Variants in TUSC3 observed in about 807,000 individuals in gnomAD.
TUSC3 encodes the protein tumor suppressor candidate 3, also known as dolichyl-diphosphooligosaccharide--protein glycosyltransferase subunit TUSC3.
In TUSC3, 45 loss-of-function variants were observed where a neutral mutation model predicts 44.8. The ratio of observed to expected loss-of-function variants is 1.00; its 90% CI spans 0.79 to 1.29. The LOEUF is 1.29. TUSC3 is among the 50% of genes most tolerant of loss of function. The probability of loss-of-function intolerance (pLI) is 0.00; values close to 1 mark genes in which losing one functional copy is unlikely to be tolerated. For missense variants in TUSC3, 519 were observed against 437.9 expected (o/e 1.19, Z -1.65); for synonymous variants, 212 against 152.9 (o/e 1.39, Z -2.85).
At chr8:15,577,834 T>C (rs1176357945) in intron 1 of TUSC3, among the ~76,000 whole-genome samples, 1 of 149,788 alleles carries the variant, frequency 6.7e-6, no homozygotes, top group African/African-American at 2.5e-5. Context: ...AAAGTAGTTT[T>C]TTCCAATTCT....
At chr8:15,475,978 A>C (rs192601910) in intron 1 of TUSC3, among the ~76,000 whole-genome samples, 1 of 152,348 alleles carries the variant, frequency 6.6e-6, no homozygotes, top group African/African-American at 2.4e-5. Context: ...TTTTAACAAC[A>C]TAATGAGGGT....
chr8:15,769,595 A>G (rs187516079), downstream of TUSC3, among the ~76,000 whole-genome samples: 749 of 152,288 alleles, frequency 4.9e-3, 3 homozygotes, highest in Admixed American at 0.012. Context: ...TAATTAAACT[A>G]AAGAGCTTCT....
intron 6 of TUSC3, among the ~76,000 whole-genome samples, chr8:15,723,249 G>C (rs1810374122): frequency 6.6e-6 from 1 of 152,108 alleles, no homozygotes; most frequent in Non-Finnish European, 1.5e-5. Flanking sequence ...AAGTTCAGCA[G>C]AGACATTGCT....
rs979788643 is a variant in TUSC3, at chr8:15,509,458, A to G, written n.189+25975A>G. 3.9e-5 allele frequency among the ~76,000 whole-genome samples: 6 copies of G among 152,224 alleles called. No individual in the cohort carries two copies. In the South Asian group the frequency reaches 1.2e-3, roughly 32 times the overall value. The stretch of plus-strand genomic sequence containing the variant: ...ATCCCATCTCTACTAAAATATAAAA[A>G]TTAGCTAGGTGAGGTGGCAGGCGCC... On this transcript the variant is annotated intron_variant and non_coding_transcript_variant, in intron 2 of 5. Coordinates refer to the TUSC3 transcript ENST00000503191.
intron 6 of TUSC3, among the ~76,000 whole-genome samples, chr8:15,699,320 C>T (rs1380553061): frequency 2.0e-5 from 3 of 152,024 alleles, no homozygotes; most frequent in Admixed American, 6.6e-5. Context: ...TTTTCATTTT[C>T]TCCTAGCACT....
chr8:15,459,371 C>G lies in TUSC3; in HGVS notation n.92-24015C>G, dbSNP rs563602132. ...CTTGCTTAACTGTGATTTGAAGAAACTCTTCTTTTTTTTTGACATTAATTT... is the reference window on the plus strand; with the variant it reads ...CTTGCTTAACTGTGATTTGAAGAAAGTCTTCTTTTTTTTTGACATTAATTT... On this transcript the variant is annotated intron_variant and non_coding_transcript_variant, in intron 1 of 5. Coordinates refer to the TUSC3 transcript ENST00000503191. Among the ~76,000 whole-genome samples the G allele has an allele frequency of 1.2e-3, 181 of 152,104 alleles. 1 individual carries two copies. Among genetic ancestry groups the G allele is most frequent in the African/African-American group, 4.1e-3 (171 of 41,504 alleles).
chr8:15,457,912 GAAT>G (rs562312536), intron 1 of TUSC3, among the ~76,000 whole-genome samples: 443 of 149,370 alleles, frequency 3.0e-3, no homozygotes, highest in African/African-American at 0.01. Flanking sequence ...ATTACTAATT[GAAT>G]AATAATTAGT....
chr8:15,675,737 G>C (rs1808159354), intron 6 of TUSC3, among the ~76,000 whole-genome samples: 1 of 152,066 alleles, frequency 6.6e-6, no homozygotes, highest in South Asian at 2.1e-4. Flanking sequence ...ATGGCCTCCA[G>C]CTGCATCCAT....
intron 1 of TUSC3, among the ~76,000 whole-genome samples, chr8:15,470,299 G>A (rs1800471776): frequency 6.6e-6 from 1 of 151,610 alleles, no homozygotes; most frequent in Non-Finnish European, 1.5e-5. Context: ...AGGGTTCAAG[G>A]AGGGAAAGAT....
chr8:15,699,682 AC>A (rs1489267810), intron 6 of TUSC3, among the ~76,000 whole-genome samples: 2 of 152,222 alleles, frequency 1.3e-5, no homozygotes, highest in African/African-American at 4.8e-5. Flanking sequence ...AAGTTGTATA[AC>A]AAGAGTGAAA....
chr8:15,778,775 A>T, the TUSC3 span, among the ~76,000 whole-genome samples: 1 of 152,328 alleles, frequency 6.6e-6, no homozygotes, highest in South Asian at 2.1e-4. Context: ...ATTTCCTCCA[A>T]AATTAACATC....
At chr8:15,620,266 A>T (rs1805184951) in intron 1 of TUSC3, among the ~76,000 whole-genome samples, 1 of 152,204 alleles carries the variant, frequency 6.6e-6, no homozygotes, top group Non-Finnish European at 1.5e-5. Context: ...AGTGTTTGTA[A>T]GGAAGTGTAG....
chr8:15,762,888 A>G (rs1812214309), intron 10 of TUSC3, among the ~76,000 whole-genome samples: 2 of 83,518 alleles, frequency 2.4e-5, no homozygotes, highest in Admixed American at 1.5e-4. Context: ...GGCCCTGACA[A>G]GGTTTACTGC....
intron 2 of TUSC3, among the ~76,000 whole-genome samples, chr8:15,500,253 C>G (rs954565445): frequency 2.0e-4 from 31 of 152,146 alleles, no homozygotes; most frequent in African/African-American, 7.5e-4. Context: ...TATCAAGAAT[C>G]TTGACAGAAG....
chr8:15,428,607 T>G (rs1254505771), intron 1 of TUSC3, among the ~76,000 whole-genome samples: 3 of 152,174 alleles, frequency 2.0e-5, no homozygotes, highest in African/African-American at 7.2e-5. Flanking sequence ...GTGTTCCTAT[T>G]TCTCCACATC....
chr8:15,531,715 T>C (rs1200316758), intron 2 of TUSC3, among the ~76,000 whole-genome samples: 1 of 152,230 alleles, frequency 6.6e-6, no homozygotes, highest in African/African-American at 2.4e-5. Context: ...TCAGATAACT[T>C]CCACTGTTAA....
chr8:15,424,828 G>A (rs372321495), intron 1 of TUSC3, among the ~76,000 whole-genome samples: 7 of 151,816 alleles, frequency 4.6e-5, no homozygotes, highest in East Asian at 3.9e-4. Flanking sequence ...GCAGTGAGCC[G>A]AGGTAGCACC....
At chr8:15,670,200 G>C (rs1488905523) in intron 5 of TUSC3, among the ~76,000 whole-genome samples, 1 of 151,852 alleles carries the variant, frequency 6.6e-6, no homozygotes, top group Non-Finnish European at 1.5e-5. Context: ...AATTTGTGCA[G>C]ATTTTTTTCT....
In TUSC3 at chr8:15,553,917, T is replaced by A. The variant is rs767419002; in HGVS notation, c.138+13349T>A. Among the ~76,000 whole-genome samples, 13 of 151,768 alleles carry A rather than the reference T, an allele frequency of 8.6e-5. 1 individual carries two copies. The highest frequency in any genetic ancestry group is 1.5e-5 in the Non-Finnish European group (1 of 67,890). On this transcript the variant is annotated intron_variant, in intron 1 of 10. Transcript: ENST00000503731. Reference sequence around the variant, plus strand: ...TACGGTTGTTCGTAGATACTTTGTTTTCCCCCATGCATATGGTAGTGTCAG... The same window carrying A: ...TACGGTTGTTCGTAGATACTTTGTTATCCCCCATGCATATGGTAGTGTCAG...
Sources: gnomAD v4.1 joint callset for allele counts (sites outside exome capture counted in the v4.1 genomes callset) on GRCh38, gnomAD v4.1.1 for gene constraint, MANE v1.5 for transcripts, NCBI Gene and HGNC (gene_info 2026-07-23, HGNC 2026-07-21) for gene names.